MYT1L: variants seen among roughly 807,000 people sequenced by gnomAD.
MYT1L encodes myelin transcription factor 1-like protein.
Under a neutral mutation model 126.7 loss-of-function variants are expected in MYT1L, and 12 were observed. The ratio of observed to expected loss-of-function variants is 0.09; its 90% CI spans 0.06 to 0.15. The LOEUF (loss-of-function observed/expected upper bound fraction) is 0.15. Among genes scored for constraint, MYT1L ranks in the 10% least tolerant of loss-of-function variants. The pLI is 1.00. For missense variants in MYT1L, 979 were observed against 1,585.2 expected (o/e 0.62, Z 6.49); for synonymous variants, 541 against 604.2 (o/e 0.90, Z 1.53).
At chr2:1,880,390 TGCAGTGGCGCG>T (rs2047382090) in intron 18 of MYT1L, among the ~76,000 whole-genome samples, 1 of 152,128 alleles carries the variant, frequency 6.6e-6, no homozygotes, top group South Asian at 2.1e-4. Flanking sequence ...CAGGCTGGAG[TGCAGTGGCGCG>T]ATCTCGGCTC....
chr2:1,807,831 A>G (rs1175364838), intron 22 of MYT1L, among the ~76,000 whole-genome samples: 2 of 152,118 alleles, frequency 1.3e-5, no homozygotes, highest in African/African-American at 4.8e-5. Context: ...CCCTGTTAAT[A>G]TGGTTTGGCT....
At chr2:2,155,609 C>T (rs2086601081) in intron 3 of MYT1L, among the ~76,000 whole-genome samples, 1 of 152,144 alleles carries the variant, frequency 6.6e-6, no homozygotes, top group Non-Finnish European at 1.5e-5. Context: ...AACCCTCAAT[C>T]TCCCCATTGC....
intron 3 of MYT1L, among the ~76,000 whole-genome samples, chr2:2,158,931 C>T (rs529313253): frequency 1.1e-4 from 17 of 152,308 alleles, no homozygotes; most frequent in East Asian, 9.7e-4. Flanking sequence ...GCCATTTGCA[C>T]GCTTACCTAT....
intron 4 of MYT1L, among the ~76,000 whole-genome samples, chr2:2,029,185 A>G (rs2065953335): frequency 6.6e-6 from 1 of 152,236 alleles, no homozygotes; most frequent in South Asian, 2.1e-4. Flanking sequence ...TATTTGGGCT[A>G]AAGTGACTAG....
rs372716595 is a variant in MYT1L, at chr2:1,979,712, C to G, written c.55+11G>C. 6.2e-7 allele frequency: 1 copy of G among 1,613,984 alleles called. No individual in the cohort carries two copies. Among genetic ancestry groups the G allele is most frequent in the South Asian group, 1.1e-5 (1 of 91,080 alleles). ...GAGCCGGCCTCAGGATGCAGGGAAGCGCGGACATACCTCGAACCCCTTTGG... is the reference window on the plus strand; with the variant it reads ...GAGCCGGCCTCAGGATGCAGGGAAGGGCGGACATACCTCGAACCCCTTTGG... On this transcript the variant is annotated intron_variant, in intron 6 of 24. Transcript: ENST00000647738. This position sits in a 1 kb window ranked among gnomAD's most constrained non-coding sequence, Gnocchi z 4.0.
intron 1 of MYT1L, among the ~76,000 whole-genome samples, chr2:2,285,547 T>C (rs903234339): frequency 3.3e-5 from 5 of 152,258 alleles, no homozygotes; most frequent in Non-Finnish European, 7.3e-5. Flanking sequence ...AATTCTTCTA[T>C]GCTTTCAACT....
intron 5 of MYT1L, among the ~76,000 whole-genome samples, chr2:1,985,179 C>A (rs2060916485): frequency 6.6e-6 from 1 of 152,232 alleles, no homozygotes; most frequent in Non-Finnish European, 1.5e-5. Flanking sequence ...ACCAGCCAGA[C>A]CCTGCCTTTC....
At chr2:1,905,881 A>C (rs2050985347) in intron 13 of MYT1L, among the ~76,000 whole-genome samples, 1 of 152,114 alleles carries the variant, frequency 6.6e-6, no homozygotes, top group African/African-American at 2.4e-5. Context: ...AGGGGTTTTG[A>C]TTTGTTCCTT....
At chr2:2,227,389 A>C (rs181199309) in intron 2 of MYT1L, among the ~76,000 whole-genome samples, 10 of 152,310 alleles carry the variant, frequency 6.6e-5, no homozygotes, top group African/African-American at 2.4e-4. Context: ...CCCCGTCCAC[A>C]GTGGAATTCT....
chr2:2,060,088 TTCTA>T (rs2070195329), intron 3 of MYT1L, among the ~76,000 whole-genome samples: 2 of 152,312 alleles, frequency 1.3e-5, no homozygotes, highest in African/African-American at 2.4e-5. Context: ...ACTAACAAAC[TTCTA>T]TCTGTCATCT....
chr2:2,279,564 T>TGAAGGAAGGAAGGAAG (rs1553619839), intron 2 of MYT1L, among the ~76,000 whole-genome samples: 3 of 121,684 alleles, frequency 2.5e-5, no homozygotes, highest in South Asian at 3.4e-4. Context: ...AAGGAATGAA[T>TGAAGGAAGGAAGGAAG]GAATGAAGGA....
chr2:2,123,118 T>G (rs913114753), intron 3 of MYT1L, among the ~76,000 whole-genome samples: 1 of 152,108 alleles, frequency 6.6e-6, no homozygotes, highest in Non-Finnish European at 1.5e-5. Flanking sequence ...ACCCATTTCT[T>G]TGGGCACAGC....
At chr2:1,875,238 A>T (rs2046761236) in intron 18 of MYT1L, among the ~76,000 whole-genome samples, 1 of 152,102 alleles carries the variant, frequency 6.6e-6, no homozygotes, top group Non-Finnish European at 1.5e-5. Flanking sequence ...TCACAGTGAC[A>T]TCCTGAGGCG....
intron 2 of MYT1L, among the ~76,000 whole-genome samples, chr2:2,209,807 T>A (rs930336725): frequency 6.6e-6 from 1 of 152,206 alleles, no homozygotes; most frequent in African/African-American, 2.4e-5. Context: ...TTTGGGTATA[T>A]ACTCAGCTGT....
chr2:1,860,889 A>G (rs956832150), intron 18 of MYT1L, among the ~76,000 whole-genome samples: 2 of 151,980 alleles, frequency 1.3e-5, no homozygotes, highest in African/African-American at 4.8e-5. Context: ...CAATTTTCCA[A>G]CACCAAGAAC....
At chr2:2,205,803 C>A (rs1292147696) in intron 2 of MYT1L, among the ~76,000 whole-genome samples, 1 of 152,088 alleles carries the variant, frequency 6.6e-6, no homozygotes, top group Non-Finnish European at 1.5e-5. Context: ...CTTCTCTTCA[C>A]ATATGGGTTA....
intron 18 of MYT1L, among the ~76,000 whole-genome samples, chr2:1,855,297 C>G (rs2043773224): frequency 6.6e-6 from 1 of 152,228 alleles, no homozygotes; most frequent in Non-Finnish European, 1.5e-5. Context: ...GATTTACAAA[C>G]ACGCGATTTG....
chr2:1,807,293 G>C (rs2035869479), intron 22 of MYT1L, among the ~76,000 whole-genome samples: 1 of 152,214 alleles, frequency 6.6e-6, no homozygotes, highest in Non-Finnish European at 1.5e-5. Flanking sequence ...GGACGTTCAG[G>C]CGTCTCTCAT....
chr2:2,177,152 G>A (rs1207259835), intron 2 of MYT1L, among the ~76,000 whole-genome samples: 1 of 152,194 alleles, frequency 6.6e-6, no homozygotes, highest in African/African-American at 2.4e-5. Flanking sequence ...AGGTTTGCGT[G>A]GATGTAAATG....
Sources: gnomAD v4.1 joint callset for allele counts (sites outside exome capture counted in the v4.1 genomes callset) on GRCh38, gnomAD v4.1.1 for gene constraint, Gnocchi (gnomAD v3.1) non-coding constraint, MANE v1.5 for transcripts, NCBI Gene and HGNC (gene_info 2026-07-23, HGNC 2026-07-21) for gene names.